ANKRD24: variants seen among roughly 807,000 people sequenced by gnomAD.
ANKRD24 encodes the protein ankyrin repeat domain-containing protein 24.
ANKRD24 carries 109 observed loss-of-function variants against 127.8 expected under a neutral mutation model. That is an observed-to-expected ratio of 0.85 (90% confidence interval 0.73 to 1.00). The LOEUF (loss-of-function observed/expected upper bound fraction) is 1.00. Among genes scored for constraint, ANKRD24 ranks in the 50% least tolerant of loss-of-function variants. ANKRD24 has a pLI of 0.00. For missense variants in ANKRD24, 1,648 were observed against 1,570.2 expected (o/e 1.05, Z -0.84); for synonymous variants, 743 against 671.1 (o/e 1.11, Z -1.66).
At position 4,217,313 on chromosome 19, in the gene ANKRD24, C is replaced by T. The variant is rs751661084; in HGVS notation, c.2153C>T (p.Ser718Leu). The T allele has an allele frequency of 5.8e-6, 9 of 1,552,510 alleles. 1 individual carries two copies. The highest frequency in any genetic ancestry group is 4.4e-6 in the Non-Finnish European group (5 of 1,147,604). ...PILHPGAAEA[S>L]EKLQVELETR... ...CTACATCCTGGTGCCGCAGAGGCCT[C>T]GGAAAAGCTTCAAGTAGAGCTGGAG... The change falls in exon 18 of 22, where the codon TCG becomes TTG. Residue 718 changes from serine (S) to leucine (L), a missense_variant. Physicochemically the swap from Ser to Leu is moderately radical, Grantham distance 145. Transcript: ENST00000318934.
chr19:4,222,459 G>T (rs1970493832), intron 19 of ANKRD24, among the ~76,000 whole-genome samples: 1 of 152,234 alleles, frequency 6.6e-6, no homozygotes, highest in Admixed American at 6.5e-5. Context: ...AAAACAGGCT[G>T]TGTTGGTAAC....
At chr19:4,220,468 C>T (rs1970381334) in intron 19 of ANKRD24, among the ~76,000 whole-genome samples, 1 of 151,908 alleles carries the variant, frequency 6.6e-6, no homozygotes, top group Non-Finnish European at 1.5e-5. Flanking sequence ...CACGTTCCCA[C>T]GTTTCGTTCC....
rs139221641 is a variant in ANKRD24 at position 4,195,060 on chromosome 19, T to TTTTGTTTGTTTGTTTGTTTG, written c.37-4615_37-4596dup. Among the ~76,000 whole-genome samples the TTTTGTTTGTTTGTTTGTTTG allele has an allele frequency of 1.7e-3, 259 of 148,530 alleles. 1 individual carries two copies. Among genetic ancestry groups the TTTTGTTTGTTTGTTTGTTTG allele is most frequent in the East Asian group, 8.2e-3 (40 of 4,902 alleles). On this transcript the variant is annotated intron_variant, in intron 2 of 21. Coordinates refer to ENST00000318934, the MANE Select transcript of ANKRD24 (RefSeq NM_001393985.1). The surrounding 1 kb of genome is among the most constrained non-coding windows in gnomAD (Gnocchi z 4.2). ...TCGGCGTGAGCCACCGCGCCCAGGT[T>TTTTGTTTGTTTGTTTGTTTG]TTTGTTTGTTTGTTTGTTTGTTTGT...
chr19:4,196,017 A>C (rs8109965), intron 2 of ANKRD24, among the ~76,000 whole-genome samples: 105,006 of 152,004 alleles, frequency 0.69, 36,439 homozygotes, highest in Non-Finnish European at 0.73. Context: ...CAGTGTTGGG[A>C]TATCTGTGGT....
intron 6 of ANKRD24, 149 bp downstream of exon 6, chr19:4,202,239 T>C: frequency 1.4e-6 from 1 of 730,854 alleles, no homozygotes; most frequent in Non-Finnish European, 2.3e-6. Context: ...GATAACCAGG[T>C]ACTCTCAGAC....
intron 15 of ANKRD24, among the ~76,000 whole-genome samples, chr19:4,215,251 C>T (rs899743125): frequency 6.6e-6 from 1 of 151,764 alleles, no homozygotes; most frequent in Middle Eastern, 3.2e-3. Flanking sequence ...TTTGGGAGGC[C>T]AAGGCGGGTG....
intron 11 of ANKRD24, 132 bp from the exon 12 acceptor site, chr19:4,209,926 G>A: frequency 3.7e-6 from 2 of 535,884 alleles, no homozygotes; most frequent in East Asian, 5.9e-5. Flanking sequence ...AGCGGCAGGA[G>A]GCAGGGGCTG....
chr19:4,198,193 T>C lies in ANKRD24; in HGVS notation c.37-1490T>C. The C allele has an allele frequency of 1.7e-6, 1 of 573,362 alleles. No individual in the cohort carries two copies. Among genetic ancestry groups the C allele is most frequent in the Non-Finnish European group, 3.1e-6 (1 of 323,694 alleles). 35.5% of individuals were successfully genotyped at this position (573,362 alleles called of 1,614,324 possible). On this transcript the variant is annotated intron_variant, in intron 2 of 21. Transcript: ENST00000318934. This position sits in a 1 kb window ranked among gnomAD's most constrained non-coding sequence, Gnocchi z 6.1. ...GAGCCGGGCCCCCGGCGCCGCGTCC[T>C]CCTCATCCTCCAGGCGACAAGGTCA...
At chr19:4,183,432 C>A in intron 1 of ANKRD24, 1 of 810,354 alleles carries the variant, frequency 1.2e-6, no homozygotes, top group Non-Finnish European at 1.5e-6. Context: ...AAAGGTGGTA[C>A]CATCTATGCC....
In ANKRD24 at chr19:4,200,266, C is replaced by G. The variant is rs968506397; in HGVS notation, c.343+95C>G. The G allele has an allele frequency of 1.2e-5, 16 of 1,320,254 alleles. No homozygotes were observed. In the African/African-American group the frequency reaches 2.1e-4, roughly 17 times the overall value. The allele number at this position is 1,320,254 out of a possible 1,614,324, so 81.8% of individuals were successfully genotyped here. A position where few individuals can be genotyped will look rare whatever the true frequency, so the allele number is the denominator to read the frequency against. ...GACCCTGCTCCCAGGTCTCAATGTT[C>G]CCCGCTGAAAAAAGGGGAGGCTCCC... On this transcript the variant is annotated intron_variant, in intron 5 of 21. Coordinates refer to ENST00000318934, the MANE Select transcript of ANKRD24 (RefSeq NM_001393985.1).
At position 4,199,851 on chromosome 19, in the gene ANKRD24, C is replaced by T. The variant is rs1444297563; in HGVS notation, c.124-24C>T. The stretch of plus-strand genomic sequence containing the variant: ...GGGGACAGCAGCCAACACTGCCCCA[C>T]GCACTTCTGGGCGTGCCCTGCAGAG... On this transcript the variant is annotated intron_variant, in intron 3 of 21. Coordinates refer to ENST00000318934, the MANE Select transcript of ANKRD24 (RefSeq NM_001393985.1). This position sits in a 1 kb window ranked among gnomAD's most constrained non-coding sequence, Gnocchi z 5.2. 16 of 1,554,532 alleles carry T rather than the reference C, an allele frequency of 1.0e-5. No homozygotes were observed. Among genetic ancestry groups the T allele is most frequent in the East Asian group, 2.4e-5 (1 of 41,412 alleles).
chr19:4,217,674 G>A lies in ANKRD24; in HGVS notation c.2514G>A (p.Gln838=). Residue 838 remains glutamine, a synonymous_variant, in exon 18 of 22, where the codon CAG becomes CAA. Coordinates refer to ENST00000318934, the MANE Select transcript of ANKRD24 (RefSeq NM_001393985.1). ...EARGLRAELA[Q]REEARLEQSR... ...GGGGCCTGCGGGCCGAGCTGGCCCA[G>A]CGGGAGGAGGCGCGGCTGGAGCAGA... 5 of 1,286,112 alleles carry A rather than the reference G, an allele frequency of 3.9e-6. No individual in the cohort carries two copies. The highest frequency in any genetic ancestry group is 4.9e-6 in the Non-Finnish European group (5 of 1,020,752). 79.7% of individuals were successfully genotyped at this position (1,286,112 alleles called of 1,614,324 possible).
At chr19:4,193,846 A>AGGGAGGGAGGGAG (rs113209299) in intron 2 of ANKRD24, among the ~76,000 whole-genome samples, 13,096 of 50,904 alleles carry the variant, frequency 0.26, 2,148 homozygotes, top group Non-Finnish European at 0.27. Context: ...GGAGGGAGGG[A>AGGGAGGGAGGGAG]GGAAGGAAGG....
chr19:4,209,010 ATT>A, intron 11 of ANKRD24: 1 of 307,850 alleles, frequency 3.2e-6, no homozygotes. Flanking sequence ...ATGGGGCCAA[ATT>A]ATGGGGCTGG....
chr19:4,217,728 G>T lies in ANKRD24; in HGVS notation c.2568G>T (p.Gln856His). Residue 856 changes from glutamine to histidine, a missense_variant, in exon 18 of 22, where the codon CAG becomes CAT. Transcript: ENST00000318934. ...GGGAGCTGGAGGTTCTGCGGGAGCAGCTGGCCACGGCCAGGGCCACGGGGG... is the reference window on the plus strand; with the variant it reads ...GGGAGCTGGAGGTTCTGCGGGAGCATCTGGCCACGGCCAGGGCCACGGGGG... ...QSRELEVLRE[Q>H]LATARATGEQ... is the part of the protein sequence containing the mutation. 7.7e-7 allele frequency: 1 copy of T among 1,293,386 alleles called. No individual in the cohort carries two copies. Among genetic ancestry groups the T allele is most frequent in the Non-Finnish European group, 9.8e-7 (1 of 1,025,020 alleles). 80.1% of individuals were successfully genotyped at this position (1,293,386 alleles called of 1,614,324 possible).
intron 2 of ANKRD24, among the ~76,000 whole-genome samples, chr19:4,194,521 C>G (rs988348917): frequency 1.3e-5 from 2 of 152,108 alleles, no homozygotes; most frequent in Non-Finnish European, 2.9e-5. Context: ...TTTCTCTCCC[C>G]CCTCCAACGA....
rs1968949357 is a variant in ANKRD24 at position 4,199,339 on chromosome 19, C to A, written c.37-344C>A. Among the ~76,000 whole-genome samples, 3 of 152,144 alleles carry A rather than the reference C, an allele frequency of 2.0e-5. No homozygotes were observed. The highest frequency in any genetic ancestry group is 4.1e-4 in the South Asian group (2 of 4,826). On this transcript the variant is annotated intron_variant, in intron 2 of 21. Coordinates refer to ENST00000318934, the MANE Select transcript of ANKRD24 (RefSeq NM_001393985.1). This position sits in a 1 kb window ranked among gnomAD's most constrained non-coding sequence, Gnocchi z 5.2. ...TCAAATGATCCTCCCACCTCAGCCT[C>A]CCAAGCAGCTACAGGCATGAGCCAC...
intron 2 of ANKRD24, among the ~76,000 whole-genome samples, chr19:4,193,248 G>A (rs1235837975): frequency 7.2e-6 from 1 of 138,844 alleles, no homozygotes; most frequent in East Asian, 2.2e-4. Flanking sequence ...GTTGCAGTGA[G>A]CCGAGATCCC....
At chr19:4,221,279 G>T (rs1405645044) in intron 19 of ANKRD24, among the ~76,000 whole-genome samples, 1 of 151,998 alleles carries the variant, frequency 6.6e-6, no homozygotes, top group African/African-American at 2.4e-5. Flanking sequence ...GTTTCACCAT[G>T]TTGGCCAGGC....
Sources: gnomAD v4.1 joint callset for allele counts (sites outside exome capture counted in the v4.1 genomes callset) on GRCh38, gnomAD v4.1.1 for gene constraint, Gnocchi (gnomAD v3.1) non-coding constraint, MANE v1.5 for transcripts, NCBI Gene and HGNC (gene_info 2026-07-23, HGNC 2026-07-21) for gene names.